GATA3: variants seen among roughly 807,000 people sequenced by gnomAD.
The protein encoded by GATA3 is trans-acting T-cell-specific transcription factor GATA-3.
GATA3 carries 6 observed loss-of-function variants against 36.0 expected under a neutral mutation model. The ratio of observed to expected loss-of-function variants is 0.17; its 90% CI spans 0.09 to 0.33. The LOEUF is 0.33. Ranked by LOEUF, GATA3 falls within the 10% of genes least tolerant of loss-of-function variation. GATA3 has a pLI of 1.00. For missense variants in GATA3, 514 were observed against 610.1 expected (o/e 0.84, Z 1.66); for synonymous variants, 326 against 273.0 (o/e 1.19, Z -1.92).
At chr10:8,072,105 C>T (rs188003037) in intron 5 of GATA3, among the ~76,000 whole-genome samples, 106 of 152,264 alleles carry the variant, frequency 7.0e-4, no homozygotes, top group African/African-American at 2.4e-3. Flanking sequence ...CTCCTGCCAT[C>T]GGTCACGTTG....
intron 1 of GATA3, among the ~76,000 whole-genome samples, chr10:8,047,459 C>A (rs1317368478): frequency 6.6e-6 from 1 of 152,252 alleles, no homozygotes; most frequent in African/African-American, 2.4e-5. Flanking sequence ...CATTCTTCTC[C>A]TGGTATATCT....
At chr10:8,071,497 A>T (rs1289500910) in intron 5 of GATA3, among the ~76,000 whole-genome samples, 3 of 152,192 alleles carry the variant, frequency 2.0e-5, no homozygotes, top group Non-Finnish European at 4.4e-5. Context: ...TCACATATAT[A>T]TATATTTCTG....
intron 4 of GATA3, among the ~76,000 whole-genome samples, chr10:8,066,999 T>C (rs1486443092): frequency 6.6e-6 from 1 of 151,932 alleles, no homozygotes; most frequent in African/African-American, 2.4e-5. Flanking sequence ...CCCAGGTGCC[T>C]GAGTGATATT....
chr10:8,056,694 C>T lies in GATA3; in HGVS notation c.241+798C>T, dbSNP rs576920091. Among the ~76,000 whole-genome samples, 33 of 152,264 alleles carry T rather than the reference C, an allele frequency of 2.2e-4. No homozygotes were observed. In the East Asian group the frequency reaches 6.4e-3, roughly 29 times the overall value. Reference sequence around the variant, plus strand: ...TCTGGGTACTGCCCTCCATTAGCCTCCCACCTAAGATGTAGGATACACCCC... The same window carrying T: ...TCTGGGTACTGCCCTCCATTAGCCTTCCACCTAAGATGTAGGATACACCCC... On this transcript the variant is annotated intron_variant, in intron 2 of 5. Transcript: ENST00000379328.
chr10:8,065,350 C>T (rs946305299), intron 4 of GATA3, among the ~76,000 whole-genome samples: 10 of 150,350 alleles, frequency 6.7e-5, no homozygotes, highest in East Asian at 2.0e-4. Flanking sequence ...CTCCACCTCC[C>T]GGGTTCAAGC....
At chr10:8,051,827 G>A (rs1399990853), upstream of GATA3, among the ~76,000 whole-genome samples, 1 of 151,394 alleles carries the variant, frequency 6.6e-6, no homozygotes, top group African/African-American at 2.4e-5. Context: ...TCAGGCCGGC[G>A]CCTGGCCTGG....
intron 5 of GATA3, 42 bp from the exon 6 acceptor site, chr10:8,073,697 C>T (rs1367660094): frequency 6.6e-7 from 1 of 1,514,626 alleles, no homozygotes; most frequent in Admixed American, 2.0e-5. Flanking sequence ...TCAGAGGCAG[C>T]AAAAAAGTAA....
Position 8,055,837 on chromosome 10 carries a change from C to G in GATA3, c.182C>G (p.Pro61Arg). 3 of 1,583,944 alleles carry G rather than the reference C, an allele frequency of 1.9e-6. No individual in the cohort carries two copies. Among genetic ancestry groups the G allele is most frequent in the Non-Finnish European group, 2.6e-6 (3 of 1,164,838 alleles). Residue 61 changes from proline (P) to arginine (R), a missense_variant, in exon 2 of 6, where the codon CCG becomes CGG. By Grantham distance (103) the Pro-to-Arg change is moderately radical. Coordinates refer to ENST00000379328, the MANE Select transcript of GATA3 (RefSeq NM_001002295.2). This position sits in a 1 kb window ranked among gnomAD's most constrained non-coding sequence, Gnocchi z 5.4. ...FNIDGQGNHV[P>R]PYYGNSVRAT... ...ATCGACGGTCAAGGCAACCACGTCC[C>G]GCCCTACTACGGAAACTCGGTCAGG...
rs1588374480 is a variant in GATA3, at chr10:8,055,547, A to C, written c.-109A>C. 10 of 1,020,396 alleles carry C rather than the reference A, an allele frequency of 9.8e-6. No homozygotes were observed. The highest frequency in any genetic ancestry group is 1.7e-5 in the African/African-American group (1 of 58,534). The allele number at this position is 1,020,396 out of a possible 1,614,324, so 63.2% of individuals were successfully genotyped here. On this transcript the variant is annotated 5_prime_UTR_variant, in exon 2 of 6. Transcript: ENST00000379328. This position sits in a 1 kb window ranked among gnomAD's most constrained non-coding sequence, Gnocchi z 5.4. ...CCCACCGAAAGCAAATCATTCAACG[A>C]CCCCCGACCCTCCGACGGCAGGAGC... is the stretch of plus-strand genomic sequence containing the variant.
At chr10:8,058,224 A>T (rs1832675971) in intron 2 of GATA3, 81 bp from the exon 3 acceptor site, 1 of 1,480,162 alleles carries the variant, frequency 6.8e-7, no homozygotes, top group Non-Finnish European at 9.4e-7. Context: ...CGAGGTAGAG[A>T]TTCCCCAGGT....
At chr10:8,059,419 T>TCAGCTGAA (rs1425726464) in intron 3 of GATA3, among the ~76,000 whole-genome samples, 1 of 152,220 alleles carries the variant, frequency 6.6e-6, no homozygotes, top group Non-Finnish European at 1.5e-5. Flanking sequence ...AAGGGGGCTC[T>TCAGCTGAA]CAGCTGAACT....
chr10:8,046,455 T>TG (rs908514145), intron 1 of GATA3, among the ~76,000 whole-genome samples: 2 of 152,150 alleles, frequency 1.3e-5, no homozygotes, highest in Non-Finnish European at 2.9e-5. Flanking sequence ...ACCAGGATGC[T>TG]GGGGTCGCAG....
intron 5 of GATA3, among the ~76,000 whole-genome samples, chr10:8,069,941 G>T (rs2131513240): frequency 6.6e-6 from 1 of 152,176 alleles, no homozygotes; most frequent in Non-Finnish European, 1.5e-5. Flanking sequence ...GTCCTATTTT[G>T]TTGTTTCCTT....
chr10:8,047,722 T>A (rs923258116), intron 1 of GATA3, among the ~76,000 whole-genome samples: 1 of 152,208 alleles, frequency 6.6e-6, no homozygotes, highest in Non-Finnish European at 1.5e-5. Flanking sequence ...AACAGGCACA[T>A]GCGTCTGGTT....
At chr10:8,073,413 C>G (rs1453366532) in intron 5 of GATA3, among the ~76,000 whole-genome samples, 1 of 152,140 alleles carries the variant, frequency 6.6e-6, no homozygotes, top group East Asian at 1.9e-4. Flanking sequence ...AATGGCATTT[C>G]CCTCCTGAAG....
Position 8,074,300 on chromosome 10 carries a change from G to T in GATA3, c.*277G>T. On this transcript the variant is annotated 3_prime_UTR_variant, in exon 6 of 6. Coordinates refer to ENST00000379328, the MANE Select transcript of GATA3 (RefSeq NM_001002295.2). ...TGTGAAAAAAAAAATGCTGAACATT[G>T]CATATAACTTATATTGTAAGAAATA... is the stretch of plus-strand genomic sequence containing the variant. The T allele has an allele frequency of 2.1e-6, 1 of 474,888 alleles. No individual in the cohort carries two copies. Among genetic ancestry groups the T allele is most frequent in the Non-Finnish European group, 3.7e-6 (1 of 267,986 alleles). The allele number at this position is 474,888 out of a possible 1,614,324, so 29.4% of individuals were successfully genotyped here. A position where few individuals can be genotyped will look rare whatever the true frequency, so the allele number is the denominator to read the frequency against.
upstream of GATA3, chr10:8,051,475 G>A (rs1404646516): frequency 1.2e-5 from 2 of 171,394 alleles, no homozygotes; most frequent in African/African-American, 4.8e-5. Flanking sequence ...ACCCTGGTGA[G>A]GGAGGCCTTG....
At chr10:8,071,412 A>T (rs187966848) in intron 5 of GATA3, among the ~76,000 whole-genome samples, 1 of 152,226 alleles carries the variant, frequency 6.6e-6, no homozygotes, top group East Asian at 1.9e-4. Context: ...AAGTATAGGA[A>T]TTATAGGAGA....
In GATA3 at chr10:8,058,435, C is replaced by T. The variant is rs780648121; in HGVS notation, c.372C>T (p.His124=). Residue 124 remains histidine (H), a synonymous_variant, in exon 3 of 6, where the codon CAC becomes CAT. Transcript: ENST00000379328. ...LSPFSKTSIH[H]GSPGPLSVYP... ...CCTTCTCCAAGACGTCCATCCACCA[C>T]GGCTCCCCGGGGCCCCTCTCCGTCT... 82 of 1,612,544 alleles carry T rather than the reference C, an allele frequency of 5.1e-5. No individual in the cohort carries two copies. The highest frequency in any genetic ancestry group is 6.7e-5 in the Non-Finnish European group (79 of 1,179,944).
Sources: allele counts gnomAD v4.1 joint callset (sites outside exome capture counted in the v4.1 genomes callset), GRCh38; gene constraint gnomAD v4.1.1; non-coding constraint Gnocchi (gnomAD v3.1); transcripts MANE v1.5; gene names NCBI Gene and HGNC (gene_info 2026-07-23, HGNC 2026-07-21).